The following TEX14 variants were observed in gnomAD, a reference collection of about 807,000 sequenced individuals.
TEX14 encodes the protein inactive serine/threonine-protein kinase TEX14.
In TEX14, 168 loss-of-function variants were observed where a neutral mutation model predicts 178.6. The ratio of observed to expected loss-of-function variants is 0.94; its 90% CI spans 0.83 to 1.07. The LOEUF is 1.07. TEX14 is among the 50% of genes least tolerant of loss of function. The pLI is 0.00. For missense variants in TEX14, 1,730 were observed against 1,753.6 expected (o/e 0.99, Z 0.24); for synonymous variants, 626 against 634.1 (o/e 0.99, Z 0.19).
rs564502804 is a variant in TEX14, at chr17:58,683,926, G to A, written c.-2+8013C>T. ...CTAAAAATACAAAAATTAGCTGGGC[G>A]TGGTGGTGCATCCCTGTCATCCCAG... On this transcript the variant is annotated intron_variant, in intron 1 of 31. Coordinates refer to ENST00000349033, the MANE Select transcript of TEX14 (RefSeq NM_031272.5). Among the ~76,000 whole-genome samples the A allele has an allele frequency of 2.5e-4, 36 of 146,128 alleles. No individual in the cohort carries two copies. The Middle Eastern group carries it at 0.013, about 51-fold the overall frequency.
At chr17:58,582,290 C>T (rs1447618331) in intron 19 of TEX14, among the ~76,000 whole-genome samples, 1 of 152,180 alleles carries the variant, frequency 6.6e-6, no homozygotes, top group Admixed American at 6.5e-5. Context: ...GACAGAGTCT[C>T]TCTCTGTCAC....
At position 58,641,199 on chromosome 17, in the gene TEX14, TG is replaced by T. The variant is rs1478282684; in HGVS notation, c.137-10646del. Among the ~76,000 whole-genome samples the T allele has an allele frequency of 7.9e-5, 12 of 152,024 alleles. No individual in the cohort carries two copies. The South Asian group carries it at 2.1e-3, about 26-fold the overall frequency. Reference sequence around the variant, plus strand: ...GCCGAGGCTGGAGGATCACCTGAGGTGGGGAGTTTGAGATCAGCCTGACCAA... The same window carrying T: ...GCCGAGGCTGGAGGATCACCTGAGGTGGGAGTTTGAGATCAGCCTGACCAA... On this transcript the variant is annotated intron_variant, in intron 2 of 31. Transcript: ENST00000349033.
rs1452741118 is a variant in TEX14 at position 58,561,593 on chromosome 17, C to T, written c.4084G>A (p.Glu1362Lys). The T allele has an allele frequency of 1.4e-5, 23 of 1,613,444 alleles. No homozygotes were observed. The highest frequency in any genetic ancestry group is 1.9e-5 in the Non-Finnish European group (23 of 1,179,488). ...DTERAHSTLD[E>K]DLERWLQPPE... The stretch of plus-strand genomic sequence containing the variant: ...GGCTGCAGCCATCTTTCCAGGTCCT[C>T]ATCCAGAGTAGAGTGAGCTCTGTTT... The change falls in exon 29 of 32, where the codon GAG becomes AAG. Residue 1362 changes from glutamate to lysine, a missense_variant. Transcript: ENST00000349033.
intron 2 of TEX14, among the ~76,000 whole-genome samples, chr17:58,650,305 G>A (rs2046812793): frequency 6.6e-6 from 1 of 152,106 alleles, no homozygotes; most frequent in Admixed American, 6.6e-5. Context: ...ACCCTCCTTG[G>A]CCTCCCAAAG....
At chr17:58,637,671 T>A (rs910483606) in intron 2 of TEX14, among the ~76,000 whole-genome samples, 18 of 152,172 alleles carry the variant, frequency 1.2e-4, no homozygotes, top group African/African-American at 3.9e-4. Context: ...GCCCTAGACA[T>A]CTCTTCCATT....
At position 58,630,485 on chromosome 17, in the gene TEX14, C is replaced by T. The variant is rs754899032; in HGVS notation, c.206G>A (p.Arg69Lys). ...ATCCACCAGAACATCAACGAATTTC[C>T]TAAGGCCCAATAACGCCGCAACAAA... ...ALFVAALLGLRKFVDVLVDYG... is the reference protein window; with the variant it reads ...ALFVAALLGLKKFVDVLVDYG... Residue 69 changes from arginine to lysine, a missense_variant, in exon 3 of 32, where the codon AGG (arginine) becomes AAG (lysine). This residue lies in a region of TEX14 where 789 missense variants were observed against 681.2 expected (regional missense o/e 1.16). Coordinates refer to ENST00000349033, the MANE Select transcript of TEX14 (RefSeq NM_031272.5). The T allele has an allele frequency of 6.2e-7, 1 of 1,613,880 alleles. No individual in the cohort carries two copies. The highest frequency in any genetic ancestry group is 1.3e-5 in the African/African-American group (1 of 74,890).
chr17:58,590,093 T>C (rs2144429112), intron 15 of TEX14, among the ~76,000 whole-genome samples: 1 of 151,872 alleles, frequency 6.6e-6, no homozygotes, highest in South Asian at 2.1e-4. Context: ...AAATCTTGTC[T>C]CTACTAAAAA....
At position 58,651,949 on chromosome 17, in the gene TEX14, A is replaced by G. The variant is rs1420436286; in HGVS notation, c.53T>C (p.Leu18Ser). Residue 18 changes from leucine to serine, a missense_variant, in exon 2 of 32, where the codon TTA becomes TCA. Transcript: ENST00000349033. ...PVPCPVQLGT[L>S]RNDSLEAQLH... ...CTGAGCTTCCAGGGAGTCATTTCTTAAGGTACCAAGTTGAACAGGACAGGG... is the reference window on the plus strand; with the variant it reads ...CTGAGCTTCCAGGGAGTCATTTCTTGAGGTACCAAGTTGAACAGGACAGGG... 1 of 1,613,346 alleles carries G rather than the reference A, an allele frequency of 6.2e-7. No individual in the cohort carries two copies. Among genetic ancestry groups the G allele is most frequent in the Non-Finnish European group, 8.5e-7 (1 of 1,179,848 alleles).
chr17:58,586,193 CT>C, intron 17 of TEX14, 111 bp from the exon 18 acceptor site: 2 of 1,230,056 alleles, frequency 1.6e-6, no homozygotes, highest in Non-Finnish European at 1.1e-6. Context: ...TAACAATTGC[CT>C]TTTTACAGTT....
At chr17:58,678,818 T>TATAGTAATA (rs2047437940) in intron 1 of TEX14, among the ~76,000 whole-genome samples, 1 of 137,324 alleles carries the variant, frequency 7.3e-6, no homozygotes, top group Non-Finnish European at 1.5e-5. Flanking sequence ...GAACTTAAAG[T>TATAGTAATA]ATAATAATAA....
At chr17:58,645,952 ATTAT>A (rs1214676223) in intron 2 of TEX14, among the ~76,000 whole-genome samples, 1 of 152,162 alleles carries the variant, frequency 6.6e-6, no homozygotes, top group Non-Finnish European at 1.5e-5. Context: ...TCATCTCTAG[ATTAT>A]TTATAATATC....
At chr17:58,578,783 T>C (rs1412858611) in intron 20 of TEX14, among the ~76,000 whole-genome samples, 1 of 152,200 alleles carries the variant, frequency 6.6e-6, no homozygotes, top group African/African-American at 2.4e-5. Context: ...TAAGTAAAAG[T>C]TGATCTAAAA....
At chr17:58,660,299 G>A (rs2047081585) in intron 1 of TEX14, 1 of 180,990 alleles carries the variant, frequency 5.5e-6, no homozygotes, top group Non-Finnish European at 1.1e-5. Context: ...TACTCGGGAG[G>A]CTGAGGCAGG....
intron 2 of TEX14, among the ~76,000 whole-genome samples, chr17:58,633,346 C>G (rs1263555300): frequency 6.6e-6 from 1 of 152,182 alleles, no homozygotes; most frequent in Non-Finnish European, 1.5e-5. Context: ...ACATGAATGG[C>G]TTTGGGTACC....
chr17:58,662,232 G>A (rs950579993), intron 1 of TEX14, among the ~76,000 whole-genome samples: 1 of 151,564 alleles, frequency 6.6e-6, no homozygotes, highest in African/African-American at 2.4e-5. Flanking sequence ...GGGCGGACTA[G>A]GAGGTCAGGA....
chr17:58,596,269 T>C (rs2045278820), intron 14 of TEX14, among the ~76,000 whole-genome samples: 1 of 152,216 alleles, frequency 6.6e-6, no homozygotes, highest in Non-Finnish European at 1.5e-5. Flanking sequence ...AGGATATAAG[T>C]AAATTCTTTG....
chr17:58,604,867 T>A, intron 11 of TEX14, 111 bp downstream of exon 11: 1 of 1,263,416 alleles, frequency 7.9e-7, no homozygotes, highest in Non-Finnish European at 1.1e-6. Flanking sequence ...AGCCAAGAAG[T>A]CTCTTTTTAA....
chr17:58,651,865 C>T lies in TEX14; in HGVS notation c.136+1G>A. On this transcript the variant is annotated splice_donor_variant, in intron 2 of 31. Coordinates refer to ENST00000349033, the MANE Select transcript of TEX14 (RefSeq NM_031272.5). LOFTEE classifies it high-confidence loss of function. ...ATCTGCCATCTCAACATGGTGCTTACCTTTCTTAAGAATTTTCTTCACTTT... is the reference window on the plus strand; with the variant it reads ...ATCTGCCATCTCAACATGGTGCTTATCTTTCTTAAGAATTTTCTTCACTTT... 1 of 1,604,858 alleles carries T rather than the reference C, an allele frequency of 6.2e-7. No individual in the cohort carries two copies. Among genetic ancestry groups the T allele is most frequent in the African/African-American group, 1.3e-5 (1 of 74,566 alleles).
At chr17:58,567,440 T>C (rs902465382) in intron 26 of TEX14, among the ~76,000 whole-genome samples, 2 of 152,092 alleles carry the variant, frequency 1.3e-5, no homozygotes, top group Non-Finnish European at 2.9e-5. Context: ...TTAATATAAT[T>C]TGAAATTTAA....
Sources: allele counts gnomAD v4.1 joint callset (sites outside exome capture counted in the v4.1 genomes callset), GRCh38; gene constraint gnomAD v4.1.1; regional missense constraint gnomAD v4.1.1; transcripts MANE v1.5; gene names NCBI Gene and HGNC (gene_info 2026-07-23, HGNC 2026-07-21).